The following RAB3GAP2 variants were observed in gnomAD, a reference collection of about 807,000 sequenced individuals.
RAB3GAP2 encodes rab3 GTPase-activating protein non-catalytic subunit.
RAB3GAP2 carries 87 observed loss-of-function variants against 185.3 expected under a neutral mutation model. The ratio of observed to expected loss-of-function variants is 0.47; its 90% confidence interval spans 0.39 to 0.56. The LOEUF is 0.56. Among genes scored for constraint, RAB3GAP2 ranks in the 20% least tolerant of loss-of-function variants. The pLI is 0.00. For synonymous variants in RAB3GAP2, 554 were observed against 576.1 expected (o/e 0.96, Z 0.55); for missense variants, 1,492 against 1,638.2 (o/e 0.91, Z 1.54).
chr1:220,267,197 C>T (rs1571938327), intron 1 of RAB3GAP2: 1 of 960,594 alleles, frequency 1.0e-6, no homozygotes, highest in East Asian at 2.4e-5. Flanking sequence ...AGGGCACTTG[C>T]CAATTCTGTG....
intron 1 of RAB3GAP2, chr1:220,266,595 A>C (rs1660230470): frequency 2.1e-6 from 2 of 958,516 alleles, no homozygotes; most frequent in East Asian, 5.0e-5. Flanking sequence ...TATTTCTTTT[A>C]GTGTTCTAGA....
chr1:220,266,693 C>T, intron 1 of RAB3GAP2: 2 of 1,558,780 alleles, frequency 1.3e-6, no homozygotes, highest in Non-Finnish European at 8.8e-7. Flanking sequence ...ATTTCTCCCC[C>T]TGCACGATTC....
chr1:220,181,922 T>A (rs1658413943), intron 21 of RAB3GAP2, among the ~76,000 whole-genome samples: 1 of 151,790 alleles, frequency 6.6e-6, no homozygotes, highest in African/African-American at 2.4e-5. Flanking sequence ...TAGTCTCAGC[T>A]ACTCAGGAGG....
intron 21 of RAB3GAP2, among the ~76,000 whole-genome samples, chr1:220,176,391 A>G (rs749587924): frequency 6.6e-6 from 1 of 152,154 alleles, no homozygotes; most frequent in African/African-American, 2.4e-5. Flanking sequence ...TTCTCTCACA[A>G]TAAGGTGGTT....
chr1:220,245,439 C>T (rs185174587), intron 1 of RAB3GAP2, among the ~76,000 whole-genome samples: 7 of 152,292 alleles, frequency 4.6e-5, no homozygotes, highest in Non-Finnish European at 7.4e-5. Flanking sequence ...CACTCCCACC[C>T]GAATATTGCG....
chr1:220,182,564 C>T (rs1472752283), intron 20 of RAB3GAP2, 154 bp downstream of exon 20: 2 of 1,222,972 alleles, frequency 1.6e-6, no homozygotes, highest in African/African-American at 1.5e-5. Flanking sequence ...ACCTGTTGAC[C>T]AGAGTATCTT....
chr1:220,162,309 G>A (rs755166332), intron 27 of RAB3GAP2, 41 bp from the exon 28 acceptor site: 1 of 1,346,346 alleles, frequency 7.4e-7, no homozygotes. Flanking sequence ...TGCTTATATA[G>A]TCTCACTTTT....
rs1657905307 is a variant in RAB3GAP2, at chr1:220,158,748, C to T, written c.3261+638G>A. 7.7e-6 allele frequency among the ~76,000 whole-genome samples: 1 copy of T among 129,860 alleles called. No individual in the cohort carries two copies. Among genetic ancestry groups the T allele is most frequent in the Non-Finnish European group, 1.5e-5 (1 of 64,610 alleles). The allele number at this position is 129,860 out of a possible 152,430, so 85.2% of individuals were successfully genotyped here. On this transcript the variant is annotated intron_variant, in intron 29 of 34. Coordinates refer to ENST00000358951, the MANE Select transcript of RAB3GAP2 (RefSeq NM_012414.4). This position sits in a 1 kb window ranked among gnomAD's most constrained non-coding sequence, Gnocchi z 4.3. ...GAGCCACCGCGCCCTGCCATATAAT[C>T]TTTTTAAAACCAACAATCTTATAAT...
At position 220,196,288 on chromosome 1, in the gene RAB3GAP2, CTACAGTGATA is replaced by C; in HGVS notation, c.912_921del (p.Tyr304Ter). 1 of 1,613,250 alleles carries C rather than the reference CTACAGTGATA, an allele frequency of 6.2e-7. No individual in the cohort carries two copies. Among genetic ancestry groups the C allele is most frequent in the Non-Finnish European group, 8.5e-7 (1 of 1,179,344 alleles). ...AAGAAGCCAGTAAATGGATTGGACC[CTACAGTGATA>C]TACTGAGACATGGCAGGTGGACTAT... On this transcript the variant is annotated frameshift_variant, in exon 10 of 35. Coordinates refer to ENST00000358951, the MANE Select transcript of RAB3GAP2 (RefSeq NM_012414.4). LOFTEE classifies it high-confidence loss of function.
intron 24 of RAB3GAP2, 63 bp from the exon 25 acceptor site, chr1:220,167,738 G>A: frequency 1.3e-6 from 2 of 1,514,940 alleles, no homozygotes; most frequent in Non-Finnish European, 9.1e-7. Flanking sequence ...GTTTGCCAAT[G>A]GGAGCCAATT....
rs749859259 is a variant in RAB3GAP2 at position 220,190,419 on chromosome 1, C to T, written c.1589G>A (p.Gly530Glu). The T allele has an allele frequency of 6.4e-5, 104 of 1,613,974 alleles. No homozygotes were observed. The highest frequency in any genetic ancestry group is 8.3e-5 in the Non-Finnish European group (98 of 1,179,998). ...YQICLVDPVS[G>E]SVKTVNVPFH... Reference sequence around the variant, plus strand: ...GGGAACGTTCACTGTTTTCACACTTCCAGACACTGGATCAACCAGACAGAT... The same window carrying T: ...GGGAACGTTCACTGTTTTCACACTTTCAGACACTGGATCAACCAGACAGAT... The change falls in exon 15 of 35, where the codon GGA becomes GAA. Residue 530 changes from glycine (G) to glutamate (E), a missense_variant. Physicochemically the swap from Gly to Glu is moderately conservative, Grantham distance 98 (BLOSUM62 -2). This residue lies in a region of RAB3GAP2 where 681 missense variants were observed against 689.1 expected (regional missense o/e 0.99). Transcript: ENST00000358951.
At chr1:220,210,335 A>T in intron 7 of RAB3GAP2, 53 bp downstream of exon 7, 1 of 1,330,958 alleles carries the variant, frequency 7.5e-7, no homozygotes, top group South Asian at 1.2e-5. Context: ...GAGGAGAGAA[A>T]CTGCTTCAAA....
intron 19 of RAB3GAP2, among the ~76,000 whole-genome samples, chr1:220,183,472 C>T (rs1658451643): frequency 1.3e-5 from 2 of 151,860 alleles, no homozygotes; most frequent in African/African-American, 2.4e-5. Context: ...AGGCTGCTCT[C>T]GAACTCCTGG....
chr1:220,169,982 C>A (rs1224551580), intron 24 of RAB3GAP2, among the ~76,000 whole-genome samples: 3 of 152,102 alleles, frequency 2.0e-5, no homozygotes, highest in Admixed American at 1.3e-4. Flanking sequence ...ATGTTTACTG[C>A]AGCACTATTC....
At chr1:220,258,506 T>G (rs976566626) in intron 1 of RAB3GAP2, among the ~76,000 whole-genome samples, 1 of 152,180 alleles carries the variant, frequency 6.6e-6, no homozygotes, top group Non-Finnish European at 1.5e-5. Flanking sequence ...CCTCAATAGA[T>G]GCAGAAAAGG....
Position 220,210,372 on chromosome 1 carries a change from CA to C in RAB3GAP2, c.612+15del. 1.2e-6 allele frequency: 2 copies of C among 1,604,036 alleles called. No individual in the cohort carries two copies. Among genetic ancestry groups the C allele is most frequent in the Non-Finnish European group, 1.7e-6 (2 of 1,170,852 alleles). ...TAATGCCACTGTTACTGTTGGAACA[CA>C]ATTTTTTACACTACCTGCTCAGTCA... On this transcript the variant is annotated intron_variant, in intron 7 of 34. Coordinates refer to ENST00000358951, the MANE Select transcript of RAB3GAP2 (RefSeq NM_012414.4).
chr1:220,254,031 T>C, intron 1 of RAB3GAP2: 2 of 1,613,880 alleles, frequency 1.2e-6, no homozygotes, highest in Non-Finnish European at 1.7e-6. Flanking sequence ...TGAACAGAGT[T>C]GAAGTTAAAG....
chr1:220,189,860 G>T, intron 16 of RAB3GAP2, 93 bp from the exon 17 acceptor site: 2 of 1,183,950 alleles, frequency 1.7e-6, no homozygotes, highest in Non-Finnish European at 2.4e-6. Context: ...TACTATCAGT[G>T]AGTCTAAAGG....
chr1:220,201,648 C>A (rs1254604001), intron 9 of RAB3GAP2, among the ~76,000 whole-genome samples: 1 of 151,946 alleles, frequency 6.6e-6, no homozygotes, highest in East Asian at 2.0e-4. Context: ...TACAGGTGTG[C>A]ACCACCACAC....
Sources: gnomAD v4.1 joint callset for allele counts (sites outside exome capture counted in the v4.1 genomes callset) on GRCh38, gnomAD v4.1.1 for gene constraint, gnomAD v4.1.1 regional missense constraint, Gnocchi (gnomAD v3.1) non-coding constraint, MANE v1.5 for transcripts, NCBI Gene and HGNC (gene_info 2026-07-23, HGNC 2026-07-21) for gene names.